Variants in HSD17B4 observed in about 807,000 individuals in gnomAD.
HSD17B4 encodes the protein peroxisomal multifunctional enzyme type 2.
Under a neutral mutation model 101.0 loss-of-function variants are expected in HSD17B4, and 70 were observed. The observed-to-expected ratio is 0.69, with a 90% CI of 0.57 to 0.85. The LOEUF is 0.85. Among genes scored for constraint, HSD17B4 ranks in the 40% least tolerant of loss-of-function variants. HSD17B4 has a pLI of 0.00. For synonymous variants in HSD17B4, 347 were observed against 297.1 expected, an observed-to-expected ratio of 1.17 and a Z score of -1.73; for missense variants, 984 against 892.4, an observed-to-expected ratio of 1.10 and a Z score of -1.31.
rs141936684 is a variant in HSD17B4, at chr5:119,488,427, A to G, written c.623-765A>G. On this transcript the variant is annotated intron_variant, in intron 8 of 23. Transcript: ENST00000510025. ...AAATTCTAGTATTTGATAGTACAAT[A>G]GAGAAATTATAGATAACTATAATTT... 3.0e-3 allele frequency among the ~76,000 whole-genome samples: 456 copies of G among 152,294 alleles called. 1 individual carries two copies. The highest frequency in any genetic ancestry group is 0.011 in the African/African-American group (439 of 41,570).
At chr5:119,465,871 G>A (rs1755757755) in intron 2 of HSD17B4, among the ~76,000 whole-genome samples, 2 of 152,174 alleles carry the variant, frequency 1.3e-5, no homozygotes, top group African/African-American at 4.8e-5. Flanking sequence ...TTGAATAAGA[G>A]CGGTGAAAGT....
rs1753542289 is a variant in HSD17B4 at position 119,525,830 on chromosome 5, G to A, written c.1574-87G>A. On this transcript the variant is annotated intron_variant, in intron 18 of 23. Coordinates refer to ENST00000510025, the MANE Select transcript of HSD17B4 (RefSeq NM_000414.4). ...ATAATTCCTGCTAATGCAGTCTAAG[G>A]ACATTTTTAAAGTCCTGAATTAACT... 7 of 799,218 alleles carry A rather than the reference G, an allele frequency of 8.8e-6. No individual in the cohort carries two copies. The South Asian group carries it at 9.4e-5, about 11-fold the overall frequency. The allele number at this position is 799,218 out of a possible 1,614,324, so 49.5% of individuals were successfully genotyped here. A position where few individuals can be genotyped will look rare whatever the true frequency, so the allele number is the denominator to read the frequency against.
At chr5:119,525,727 T>A (rs1753531624) in intron 18 of HSD17B4, 190 bp from the exon 19 acceptor site, 1 of 568,788 alleles carries the variant, frequency 1.8e-6, no homozygotes, top group Admixed American at 3.2e-5. Context: ...TTTTTTTTTC[T>A]TTCTTTCTTT....
chr5:119,520,621 G>A (rs926115003), intron 17 of HSD17B4, among the ~76,000 whole-genome samples: 1 of 152,192 alleles, frequency 6.6e-6, no homozygotes, highest in East Asian at 1.9e-4. Flanking sequence ...TTTCTTTTCT[G>A]TAAAGAATTG....
Position 119,485,120 on chromosome 5 carries a change from AC to A in HSD17B4, c.623-4066del, listed in dbSNP as rs1274605010. On this transcript the variant is annotated intron_variant, in intron 8 of 23. Coordinates refer to ENST00000510025, the MANE Select transcript of HSD17B4 (RefSeq NM_000414.4). The stretch of plus-strand genomic sequence containing the variant: ...GCATCTAACTTTGTACCTTCTTTCT[AC>A]CCCCCTGCTTCATACCAAGAGACAA... Among the ~76,000 whole-genome samples, 8 of 151,948 alleles carry A rather than the reference AC, an allele frequency of 5.3e-5. No homozygotes were observed. In the South Asian group the frequency reaches 8.3e-4, roughly 16 times the overall value.
chr5:119,466,044 A>G (rs1486677861), intron 2 of HSD17B4, among the ~76,000 whole-genome samples: 1 of 152,168 alleles, frequency 6.6e-6, no homozygotes, highest in Non-Finnish European at 1.5e-5. Context: ...GGAATATTGA[A>G]TGTTACCACA....
At chr5:119,535,328 A>T (rs185183873) in intron 22 of HSD17B4, among the ~76,000 whole-genome samples, 414 of 152,016 alleles carry the variant, frequency 2.7e-3, no homozygotes, top group African/African-American at 9.3e-3. Context: ...AAACAATAAT[A>T]ATTATTATTC....
At chr5:119,499,622 TTATATA>T (rs34019509) in intron 13 of HSD17B4, 69 bp downstream of exon 13, 2 of 844,132 alleles carry the variant, frequency 2.4e-6, no homozygotes, top group African/African-American at 3.5e-5. Context: ...ATGTCATATC[TTATATA>T]TATGTGTGTG....
intron 16 of HSD17B4, among the ~76,000 whole-genome samples, chr5:119,510,828 T>C (rs1000038498): frequency 1.3e-5 from 2 of 152,208 alleles, no homozygotes; most frequent in Non-Finnish European, 2.9e-5. Context: ...TGCCATGCTG[T>C]CTTCCCAGGA....
intron 2 of HSD17B4, among the ~76,000 whole-genome samples, chr5:119,461,563 A>G (rs942382221): frequency 3.9e-5 from 6 of 152,158 alleles, no homozygotes; most frequent in African/African-American, 1.2e-4. Flanking sequence ...AATACTTTTT[A>G]TCGGATCTAA....
At chr5:119,499,630 A>ATG (rs1280488037) in intron 13 of HSD17B4, 77 bp downstream of exon 13, 3 of 816,252 alleles carry the variant, frequency 3.7e-6, no homozygotes, top group Non-Finnish European at 6.5e-6. Flanking sequence ...TCTTATATAT[A>ATG]TGTGTGTGTA....
At chr5:119,478,646 T>C (rs1748823482) in intron 7 of HSD17B4, among the ~76,000 whole-genome samples, 188 bp from the exon 8 acceptor site, 1 of 152,176 alleles carries the variant, frequency 6.6e-6, no homozygotes, top group African/African-American at 2.4e-5. Flanking sequence ...AGTTAAATCT[T>C]GTAGTTGAAT....
intron 12 of HSD17B4, among the ~76,000 whole-genome samples, chr5:119,498,689 A>G (rs569947668): frequency 5.9e-5 from 9 of 152,326 alleles, no homozygotes; most frequent in Admixed American, 2.6e-4. Context: ...CATCCTGGCC[A>G]ACATGGTGAA....
intron 1 of HSD17B4, among the ~76,000 whole-genome samples, chr5:119,454,885 G>C (rs1177936005): frequency 6.6e-6 from 1 of 152,126 alleles, no homozygotes; most frequent in Non-Finnish European, 1.5e-5. Context: ...GTCTCATAAA[G>C]TGTTGGGATT....
intron 18 of HSD17B4, 29 bp from the exon 19 acceptor site, chr5:119,525,888 A>G: frequency 7.8e-7 from 1 of 1,283,606 alleles, no homozygotes; most frequent in Non-Finnish European, 1.1e-6. Context: ...AGGTACCTGT[A>G]TCTAACTCAG....
At chr5:119,478,721 T>C in intron 7 of HSD17B4, 113 bp from the exon 8 acceptor site, 1 of 767,334 alleles carries the variant, frequency 1.3e-6, no homozygotes. Context: ...AAGAAGCTAA[T>C]GACAGTACAC....
chr5:119,497,848 A>AATGGT (rs1230839232), intron 12 of HSD17B4, among the ~76,000 whole-genome samples: 1 of 152,216 alleles, frequency 6.6e-6, no homozygotes, highest in Non-Finnish European at 1.5e-5. Context: ...TTCTGTATCT[A>AATGGT]ACTGTATGAC....
At chr5:119,454,863 C>G (rs1754442474) in intron 1 of HSD17B4, among the ~76,000 whole-genome samples, 1 of 152,084 alleles carries the variant, frequency 6.6e-6, no homozygotes, top group South Asian at 2.1e-4. Flanking sequence ...CTCAAATGAT[C>G]CGCCCACCTC....
At chr5:119,452,790 A>C in intron 1 of HSD17B4, 157 bp downstream of exon 1, 1 of 1,544,098 alleles carries the variant, frequency 6.5e-7, no homozygotes, top group East Asian at 2.4e-5. Flanking sequence ...CTTGAGGAGG[A>C]AAGAGCCGGA....
Sources: allele counts gnomAD v4.1 joint callset (sites outside exome capture counted in the v4.1 genomes callset), GRCh38; gene constraint gnomAD v4.1.1; transcripts MANE v1.5; gene names NCBI Gene and HGNC (gene_info 2026-07-23, HGNC 2026-07-21).